Variants in SLC38A4 observed in about 807,000 individuals in gnomAD.
The protein encoded by SLC38A4 is solute carrier family 38 member 4.
A neutral mutation model predicts 63.1 loss-of-function variants in SLC38A4; 20 were observed. That is an observed-to-expected ratio of 0.32 (90% CI 0.22 to 0.46). The LOEUF is 0.46. SLC38A4 is among the 20% of genes least tolerant of loss of function. The probability of loss-of-function intolerance (pLI) is 1.00; values close to 1 mark genes in which losing one functional copy is unlikely to be tolerated. For missense variants in SLC38A4, 526 were observed against 663.6 expected, an observed-to-expected ratio of 0.79 and a Z score of 2.28; for synonymous variants, 230 against 225.5, an observed-to-expected ratio of 1.02 and a Z score of -0.18.
chr12:46,783,020 A>ATGTG (rs71437771), intron 7 of SLC38A4, among the ~76,000 whole-genome samples: 11,785 of 103,636 alleles, frequency 0.11, 1,158 homozygotes, highest in African/African-American at 0.27. Flanking sequence ...GAGAGAGAAA[A>ATGTG]TGTGTGTGTG....
chr12:46,808,369 A>G (rs1939277151), intron 1 of SLC38A4, among the ~76,000 whole-genome samples: 1 of 152,034 alleles, frequency 6.6e-6, no homozygotes, highest in African/African-American at 2.4e-5. Context: ...TTTCAGTTAT[A>G]TAATGGAGCA....
chr12:46,779,729 T>C, intron 9 of SLC38A4, 51 bp downstream of exon 9: 1 of 1,586,796 alleles, frequency 6.3e-7, no homozygotes, highest in Admixed American at 1.8e-5. Flanking sequence ...AGCTAACCTA[T>C]TTAAATGTGA....
At chr12:46,785,893 G>C (rs61927983) in intron 5 of SLC38A4, among the ~76,000 whole-genome samples, 7 of 151,762 alleles carry the variant, frequency 4.6e-5, no homozygotes, top group Non-Finnish European at 8.8e-5. Context: ...AAGCATCTAC[G>C]TAATAAATGG....
intron 1 of SLC38A4, among the ~76,000 whole-genome samples, chr12:46,805,256 A>G (rs1939208565): frequency 6.6e-6 from 1 of 152,032 alleles, no homozygotes; most frequent in Admixed American, 6.6e-5. Context: ...AGCACACACA[A>G]GAGACTTCTA....
chr12:46,794,318 A>T (rs79570217), intron 2 of SLC38A4, among the ~76,000 whole-genome samples: 7,992 of 152,228 alleles, frequency 0.053, 523 homozygotes, highest in East Asian at 0.25. Context: ...ACACATGGAA[A>T]CTCACTAGCA....
chr12:46,811,962 A>T (rs1323758384), intron 1 of SLC38A4, among the ~76,000 whole-genome samples: 1 of 152,046 alleles, frequency 6.6e-6, no homozygotes, highest in African/African-American at 2.4e-5. Flanking sequence ...TTTGAAGTTG[A>T]TTTTTTAAGT....
upstream of SLC38A4, among the ~76,000 whole-genome samples, chr12:46,828,113 A>T (rs1280385798): frequency 6.6e-6 from 1 of 151,854 alleles, no homozygotes; most frequent in Non-Finnish European, 1.5e-5. Flanking sequence ...CTCCCTCCTT[A>T]TCCTTTCTCA....
At chr12:46,773,818 A>G (rs1458268206) in intron 14 of SLC38A4, among the ~76,000 whole-genome samples, 3 of 152,094 alleles carry the variant, frequency 2.0e-5, no homozygotes, top group African/African-American at 7.2e-5. Context: ...GAATAAAGCA[A>G]TACAGAAGCA....
intron 3 of SLC38A4, among the ~76,000 whole-genome samples, chr12:46,791,108 C>T (rs535863930): frequency 1.3e-5 from 2 of 152,290 alleles, no homozygotes; most frequent in East Asian, 3.9e-4. Flanking sequence ...TTAACTCTGT[C>T]AACCTCGGCA....
At chr12:46,788,929 A>G (rs1220453289) in intron 3 of SLC38A4, among the ~76,000 whole-genome samples, 1 of 152,206 alleles carries the variant, frequency 6.6e-6, no homozygotes, top group Non-Finnish European at 1.5e-5. Context: ...TTGTGTTCCC[A>G]TTTAGAGCCC....
At chr12:46,789,211 T>TC (rs2120818396) in intron 3 of SLC38A4, among the ~76,000 whole-genome samples, 1 of 149,932 alleles carries the variant, frequency 6.7e-6, no homozygotes, top group East Asian at 1.9e-4. Flanking sequence ...TTTCTTTCTT[T>TC]TTTTTTTTTT....
At chr12:46,827,038 A>AAAGAGAC (rs1939667553), upstream of SLC38A4, among the ~76,000 whole-genome samples, 2 of 152,318 alleles carry the variant, frequency 1.3e-5, no homozygotes, top group East Asian at 3.9e-4. Context: ...GTAGTGAACA[A>AAAGAGAC]AAGAGACAAA....
chr12:46,780,122 T>C (rs1439150610), intron 7 of SLC38A4, 92 bp from the exon 8 acceptor site: 2 of 944,038 alleles, frequency 2.1e-6, no homozygotes, highest in African/African-American at 1.6e-5. Flanking sequence ...AAGATGAACA[T>C]CTAATCCCCC....
chr12:46,814,079 G>A (rs1939390221), intron 1 of SLC38A4, among the ~76,000 whole-genome samples: 1 of 151,990 alleles, frequency 6.6e-6, no homozygotes, highest in South Asian at 2.1e-4. Context: ...AGGGTTAAAT[G>A]ATGTATTGGA....
chr12:46,773,575 A>G (rs751752440), intron 14 of SLC38A4, among the ~76,000 whole-genome samples: 13 of 152,126 alleles, frequency 8.5e-5, no homozygotes, highest in Non-Finnish European at 1.5e-4. Flanking sequence ...GGTCAGATTT[A>G]TATCAGTGCT....
In SLC38A4 at chr12:46,769,287, T is replaced by C; in HGVS notation, c.1441A>G (p.Ile481Val). The C allele has an allele frequency of 6.2e-7, 1 of 1,613,014 alleles. No individual in the cohort carries two copies. The highest frequency in any genetic ancestry group is 8.5e-7 in the Non-Finnish European group (1 of 1,179,294). ...VPTIKYIFGFIGASSATMLIF... is the reference protein window; with the variant it reads ...VPTIKYIFGFVGASSATMLIF... ...TTGAAGCCTTTCTGAAACTCACCTA[T>C]GAATCCGAAGATGTATTTTATAGTT... The change falls in exon 15 of 17, where the codon ATA becomes GTA. Residue 481 changes from isoleucine to valine, a missense_variant. Transcript: ENST00000266579.
chr12:46,803,973 TGATGAATCC>T (rs1939181777), intron 1 of SLC38A4, among the ~76,000 whole-genome samples, 179 bp from the exon 2 acceptor site: 1 of 152,086 alleles, frequency 6.6e-6, no homozygotes, highest in East Asian at 1.9e-4. Flanking sequence ...GTTGGTTGAC[TGATGAATCC>T]AGAAATATTC....
At chr12:46,788,728 G>T in intron 3 of SLC38A4, 110 bp from the exon 4 acceptor site, 1 of 958,718 alleles carries the variant, frequency 1.0e-6, no homozygotes. Flanking sequence ...GGGGAAATAA[G>T]ACACCCCAAT....
At chr12:46,780,162 G>T (rs1258831962) in intron 7 of SLC38A4, 132 bp from the exon 8 acceptor site, 1 of 683,056 alleles carries the variant, frequency 1.5e-6, no homozygotes, top group Non-Finnish European at 2.5e-6. Flanking sequence ...TGTGTATTTG[G>T]CACTGCTTCC....
Sources: allele counts gnomAD v4.1 joint callset (sites outside exome capture counted in the v4.1 genomes callset), GRCh38; gene constraint gnomAD v4.1.1; transcripts MANE v1.5; gene names NCBI Gene and HGNC (gene_info 2026-07-23, HGNC 2026-07-21).